The following COL4A6 variants were observed in gnomAD, a reference collection of about 807,000 sequenced individuals.
COL4A6 encodes collagen alpha-6(IV) chain.
Under a neutral mutation model 126.7 loss-of-function variants are expected in COL4A6, and 59 were observed. That is an observed-to-expected ratio of 0.47 (90% CI 0.38 to 0.58). The LOEUF (loss-of-function observed/expected upper bound fraction) is 0.58. Ranked by LOEUF, COL4A6 falls within the 20% of genes least tolerant of loss-of-function variation. The pLI is 0.00. For missense variants in COL4A6, 1,285 were observed against 1,337.3 expected (o/e 0.96, Z 0.61); for synonymous variants, 547 against 496.6 (o/e 1.10, Z -1.35).
chrX:108,314,436 G>A (rs1225553222), intron 2 of COL4A6, among the ~76,000 whole-genome samples: 1 of 111,807 alleles, frequency 8.9e-6, no homozygotes, highest in East Asian at 2.8e-4. Flanking sequence ...GACCACTTCA[G>A]CTTCGGTGAA....
At chrX:108,310,526 G>T (rs1250235811) in intron 3 of COL4A6, among the ~76,000 whole-genome samples, 1 of 111,951 alleles carries the variant, frequency 8.9e-6, no homozygotes, top group African/African-American at 3.2e-5. Context: ...AGGAAACCTT[G>T]GCATTAAGTG....
chrX:108,219,882 C>T (rs2035969313), intron 4 of COL4A6, 140 bp from the exon 5 acceptor site: 1 of 504,132 alleles, frequency 2.0e-6, no homozygotes. Flanking sequence ...TCCCTTGATT[C>T]CTACTGCAGT....
intron 3 of COL4A6, among the ~76,000 whole-genome samples, chrX:108,305,593 G>A (rs2038606728): frequency 8.9e-6 from 1 of 111,848 alleles, no homozygotes; most frequent in Non-Finnish European, 1.9e-5. Flanking sequence ...CAGTCTTGAG[G>A]TTATTGAGGT....
chrX:108,399,664 C>A (rs771589795), intron 2 of COL4A6, among the ~76,000 whole-genome samples: 1 of 111,528 alleles, frequency 9.0e-6, no homozygotes, highest in South Asian at 3.7e-4. Flanking sequence ...GGGAAAGCAG[C>A]AGATTTTAAT....
At chrX:108,211,158 A>G (rs762904950) in intron 7 of COL4A6, among the ~76,000 whole-genome samples, 1 of 111,928 alleles carries the variant, frequency 8.9e-6, no homozygotes, top group East Asian at 2.8e-4. Context: ...AATTCTGGAA[A>G]GAGATGAAAG....
At chrX:108,416,733 C>T (rs904225144) in intron 2 of COL4A6, among the ~76,000 whole-genome samples, 1 of 111,894 alleles carries the variant, frequency 8.9e-6, no homozygotes, top group African/African-American at 3.2e-5. Context: ...AGCTCTTTAT[C>T]CATTTAAGTA....
At chrX:108,159,411 C>G (rs1249887856) in intron 44 of COL4A6, 51 bp downstream of exon 44, 2 of 1,186,748 alleles carry the variant, frequency 1.7e-6, no homozygotes, top group Non-Finnish European at 2.3e-6. Flanking sequence ...GGGAACCAGT[C>G]CAAGGGGCCC....
chrX:108,359,742 T>C (rs2040041350), intron 2 of COL4A6, among the ~76,000 whole-genome samples: 1 of 112,163 alleles, frequency 8.9e-6, no homozygotes, highest in African/African-American at 3.2e-5. Context: ...AGTGAGCAAA[T>C]ATATGGTATT....
chrX:108,313,412 T>TTTTATTATAA (rs1190849910), intron 2 of COL4A6, among the ~76,000 whole-genome samples: 1 of 112,160 alleles, frequency 8.9e-6, no homozygotes, highest in Non-Finnish European at 1.9e-5. Context: ...ACTTTATTAT[T>TTTTATTATAA]TTTATTATAA....
chrX:108,203,427 G>C (rs773883238), intron 12 of COL4A6, among the ~76,000 whole-genome samples: 33 of 112,064 alleles, frequency 2.9e-4, no homozygotes, highest in African/African-American at 1.0e-3. Flanking sequence ...TTATCTATAC[G>C]TGCCATGGAA....
chrX:108,429,274 A>G (rs1373364877), intron 2 of COL4A6, among the ~76,000 whole-genome samples: 2 of 112,342 alleles, frequency 1.8e-5, no homozygotes, highest in African/African-American at 6.5e-5. Flanking sequence ...CAAAAAGTGT[A>G]AGGGAACTTT....
chrX:108,415,792 A>G (rs2041422940), intron 2 of COL4A6, among the ~76,000 whole-genome samples: 1 of 112,216 alleles, frequency 8.9e-6, no homozygotes, highest in Non-Finnish European at 1.9e-5. Flanking sequence ...TAAATAACAC[A>G]TTTTGAGCTG....
chrX:108,294,710 A>T (rs2038274283), intron 3 of COL4A6, among the ~76,000 whole-genome samples: 1 of 111,338 alleles, frequency 9.0e-6, no homozygotes, highest in Admixed American at 9.6e-5. Flanking sequence ...TTTGCAAATC[A>T]TTTAACCTCT....
chrX:108,435,207 C>CT lies in COL4A6; in HGVS notation c.63+2734dup, dbSNP rs776763476. On this transcript the variant is annotated intron_variant, in intron 2 of 44. Transcript: ENST00000334504. ...AATAAGTATCCCCCTAGGCTTTTGA[C>CT]TTTAAGTATGCTTGATTGTATTAGA... Among the ~76,000 whole-genome samples, 3 of 111,662 alleles carry CT rather than the reference C, an allele frequency of 2.7e-5. No individual in the cohort carries two copies. In the Admixed American group the frequency reaches 2.9e-4, roughly 11 times the overall value.
chrX:108,253,370 C>G (rs1206313878), intron 3 of COL4A6, among the ~76,000 whole-genome samples: 1 of 111,994 alleles, frequency 8.9e-6, no homozygotes, highest in Admixed American at 9.4e-5. Context: ...CCCATAATAA[C>G]AAAGTGGTCA....
intron 2 of COL4A6, among the ~76,000 whole-genome samples, chrX:108,427,678 A>C (rs2064110875): frequency 1.8e-5 from 2 of 111,834 alleles, no homozygotes; most frequent in South Asian, 7.6e-4. Context: ...TGGCATGATC[A>C]ATTTGTGTTT....
intron 2 of COL4A6, among the ~76,000 whole-genome samples, chrX:108,428,909 T>C (rs1665786862): frequency 9.0e-6 from 1 of 111,703 alleles, no homozygotes; most frequent in African/African-American, 3.2e-5. Flanking sequence ...CTATCCAAAA[T>C]GAAATATGTG....
At chrX:108,377,793 G>A (rs1367314166) in intron 2 of COL4A6, among the ~76,000 whole-genome samples, 1 of 107,629 alleles carries the variant, frequency 9.3e-6, no homozygotes, top group African/African-American at 3.4e-5. Flanking sequence ...AGATGGGCAT[G>A]GTGGTGTGCC....
chrX:108,172,537 G>A lies in COL4A6; in HGVS notation c.3139-5C>T, dbSNP rs767087968. On this transcript the variant is annotated splice_region_variant and splice_polypyrimidine_tract_variant and intron_variant, in intron 31 of 44. Transcript: ENST00000334504. ...CCCTCTGATACCTTGTGAACCCTTC[G>A]AAGCAATATGGGAATCATCATTTCT... 37 of 1,193,022 alleles carry A rather than the reference G, an allele frequency of 3.1e-5. No homozygotes were observed. Among genetic ancestry groups the A allele is most frequent in the East Asian group, 6.0e-5 (2 of 33,390 alleles).
Sources: allele counts gnomAD v4.1 joint callset (sites outside exome capture counted in the v4.1 genomes callset), GRCh38; gene constraint gnomAD v4.1.1; transcripts MANE v1.5; gene names NCBI Gene and HGNC (gene_info 2026-07-23, HGNC 2026-07-21).